Variants in CCDC85A observed in about 807,000 individuals in gnomAD.
CCDC85A encodes the protein coiled-coil domain containing 85A, also known as coiled-coil domain-containing protein 85A.
A neutral mutation model predicts 50.2 loss-of-function variants in CCDC85A; 38 were observed. The ratio of observed to expected loss-of-function variants is 0.76; its 90% confidence interval spans 0.58 to 0.99. CCDC85A has a LOEUF of 0.99. Among genes scored for constraint, CCDC85A ranks in the 50% least tolerant of loss-of-function variants. The pLI is 0.00. For synonymous variants in CCDC85A, 366 were observed against 301.4 expected, an observed-to-expected ratio of 1.21 and a Z score of -2.22; for missense variants, 820 against 742.0, an observed-to-expected ratio of 1.11 and a Z score of -1.22.
intron 2 of CCDC85A, among the ~76,000 whole-genome samples, chr2:56,224,258 G>C (rs1046167639): frequency 1.3e-5 from 2 of 152,070 alleles, no homozygotes; most frequent in Non-Finnish European, 2.9e-5. Flanking sequence ...TTAATATGTT[G>C]TTTTCAAGGT....
chr2:56,313,369 G>A (rs376072623), intron 2 of CCDC85A, among the ~76,000 whole-genome samples: 6 of 152,204 alleles, frequency 3.9e-5, no homozygotes, highest in Admixed American at 1.3e-4. Flanking sequence ...TATAGTACCT[G>A]GCACATTGTA....
chr2:56,238,164 C>T (rs893533818), intron 2 of CCDC85A, among the ~76,000 whole-genome samples: 3 of 152,096 alleles, frequency 2.0e-5, no homozygotes, highest in African/African-American at 7.2e-5. Flanking sequence ...ACCTGTAATC[C>T]CAGCACTTTG....
At chr2:56,323,023 T>C (rs1673284159) in intron 2 of CCDC85A, among the ~76,000 whole-genome samples, 1 of 152,076 alleles carries the variant, frequency 6.6e-6, no homozygotes, top group African/African-American at 2.4e-5. Context: ...AAACCATCAT[T>C]ATGAGCAAAC....
At chr2:56,312,867 TTGATA>T (rs1406571122) in intron 2 of CCDC85A, among the ~76,000 whole-genome samples, 2 of 150,484 alleles carry the variant, frequency 1.3e-5, no homozygotes, top group Admixed American at 1.3e-4. Flanking sequence ...TAAAACTGAT[TTGATA>T]TATTTGTAGT....
At chr2:56,328,368 A>G (rs1309798431) in intron 2 of CCDC85A, among the ~76,000 whole-genome samples, 1 of 152,092 alleles carries the variant, frequency 6.6e-6, no homozygotes, top group Non-Finnish European at 1.5e-5. Flanking sequence ...CTAAGGTTCA[A>G]GGCTGGGGAC....
chr2:56,253,567 C>G (rs77631681), intron 2 of CCDC85A, among the ~76,000 whole-genome samples: 14,967 of 152,138 alleles, frequency 0.098, 914 homozygotes, highest in Middle Eastern at 0.13. Context: ...AAAGAGATCA[C>G]TCAGAGAGGA....
chr2:56,195,146 A>G (rs935358459), intron 2 of CCDC85A, among the ~76,000 whole-genome samples: 3 of 152,238 alleles, frequency 2.0e-5, no homozygotes, highest in African/African-American at 7.2e-5. Flanking sequence ...TGGATCACTT[A>G]AAAAACACTT....
chr2:56,266,808 A>G (rs901281354), intron 2 of CCDC85A, among the ~76,000 whole-genome samples: 2 of 152,052 alleles, frequency 1.3e-5, no homozygotes, highest in African/African-American at 4.8e-5. Context: ...ACCCTTAGTT[A>G]TGTCCTCTTT....
At chr2:56,256,283 TG>T (rs1669982096) in intron 2 of CCDC85A, among the ~76,000 whole-genome samples, 1 of 152,222 alleles carries the variant, frequency 6.6e-6, no homozygotes, top group Non-Finnish European at 1.5e-5. Context: ...ACCTCCTGGT[TG>T]GAATTGACTA....
intron 2 of CCDC85A, among the ~76,000 whole-genome samples, chr2:56,286,792 A>G (rs889675533): frequency 6.6e-6 from 1 of 152,236 alleles, no homozygotes; most frequent in African/African-American, 2.4e-5. Flanking sequence ...TAAATTGGAC[A>G]TCAAGGATAA....
chr2:56,209,330 C>A (rs1248785647), intron 2 of CCDC85A, among the ~76,000 whole-genome samples: 1 of 151,232 alleles, frequency 6.6e-6, no homozygotes, highest in Non-Finnish European at 1.5e-5. Flanking sequence ...AACAGACAAA[C>A]AAATAGAACC....
intron 2 of CCDC85A, among the ~76,000 whole-genome samples, chr2:56,327,276 ATC>A (rs1321994108): frequency 6.6e-6 from 1 of 152,202 alleles, no homozygotes; most frequent in Admixed American, 6.6e-5. Flanking sequence ...CTGAAAGATC[ATC>A]TACCTCAGTA....
chr2:56,322,056 T>A (rs1215674211), intron 2 of CCDC85A, among the ~76,000 whole-genome samples: 4 of 152,278 alleles, frequency 2.6e-5, no homozygotes, highest in South Asian at 2.1e-4. Flanking sequence ...GATTCCCTAT[T>A]TAATAAATGT....
At chr2:56,320,327 TC>T (rs1281355627) in intron 2 of CCDC85A, among the ~76,000 whole-genome samples, 1 of 151,896 alleles carries the variant, frequency 6.6e-6, no homozygotes, top group African/African-American at 2.4e-5. Flanking sequence ...AAAAAACCCT[TC>T]AAAAAAATCA....
At chr2:56,377,775 C>G (rs2104401542) in intron 5 of CCDC85A, among the ~76,000 whole-genome samples, 1 of 151,922 alleles carries the variant, frequency 6.6e-6, no homozygotes, top group East Asian at 1.9e-4. Context: ...GTAATCCCAG[C>G]TACTTGGGAG....
At chr2:56,243,995 G>GTC (rs745765583) in intron 2 of CCDC85A, among the ~76,000 whole-genome samples, 1 of 152,128 alleles carries the variant, frequency 6.6e-6, no homozygotes, top group African/African-American at 2.4e-5. Context: ...AACAAATAGA[G>GTC]TCTCTCTCTC....
At chr2:56,212,343 G>T (rs1457572537) in intron 2 of CCDC85A, among the ~76,000 whole-genome samples, 2 of 152,070 alleles carry the variant, frequency 1.3e-5, no homozygotes, top group African/African-American at 2.4e-5. Flanking sequence ...TGCTTGGCTT[G>T]GCATAAGTAG....
intron 3 of CCDC85A, among the ~76,000 whole-genome samples, chr2:56,349,046 T>G (rs915063038): frequency 6.6e-6 from 1 of 152,212 alleles, no homozygotes; most frequent in African/African-American, 2.4e-5. Context: ...AACTGTTATT[T>G]GCATAGAAAT....
In CCDC85A at chr2:56,318,649, A is replaced by G. The variant is rs148201093; in HGVS notation, c.1241-24230A>G. The stretch of plus-strand genomic sequence containing the variant: ...TTTGGCCCAATTTAAATGTTTATTA[A>G]CAGCTAGAGTGTAATTAGTCAGTTT... On this transcript the variant is annotated intron_variant, in intron 2 of 5. Coordinates refer to ENST00000407595, the MANE Select transcript of CCDC85A (RefSeq NM_001080433.2). Among the ~76,000 whole-genome samples, 1,432 of 152,200 alleles carry G rather than the reference A, an allele frequency of 9.4e-3. 21 individuals carry two copies. Among genetic ancestry groups the G allele is most frequent in the African/African-American group, 0.032 (1,342 of 41,542 alleles).
Sources: allele counts gnomAD v4.1 joint callset (sites outside exome capture counted in the v4.1 genomes callset), GRCh38; gene constraint gnomAD v4.1.1; transcripts MANE v1.5; gene names NCBI Gene and HGNC (gene_info 2026-07-23, HGNC 2026-07-21).